IMPACT: variants seen among roughly 807,000 people sequenced by gnomAD.
IMPACT encodes the protein protein IMPACT.
A neutral mutation model predicts 47.5 loss-of-function variants in IMPACT; 35 were observed. That is an observed-to-expected ratio of 0.74 (90% CI 0.56 to 0.98). IMPACT has a LOEUF of 0.98. Among genes scored for constraint, IMPACT ranks in the 50% least tolerant of loss-of-function variants. The pLI is 0.00. For missense variants in IMPACT, 373 were observed against 394.8 expected, an observed-to-expected ratio of 0.94 and a Z score of 0.47; for synonymous variants, 118 against 125.6, an observed-to-expected ratio of 0.94 and a Z score of 0.40.
At chr18:24,440,439 T>A (rs1208995322) in intron 5 of IMPACT, 57 bp from the exon 6 acceptor site, 13 of 1,573,528 alleles carry the variant, frequency 8.3e-6, no homozygotes, top group Admixed American at 5.6e-5. Context: ...GATTTTTTTT[T>A]AAAAAGCATC....
intron 4 of IMPACT, among the ~76,000 whole-genome samples, chr18:24,435,723 T>C (rs186393840): frequency 4.3e-4 from 65 of 152,258 alleles, no homozygotes; most frequent in Middle Eastern, 3.4e-3. Context: ...CTGAAAGATA[T>C]TATGTGGGGC....
At position 24,453,154 on chromosome 18, in the gene IMPACT, G is replaced by A. The variant is rs1433539990; in HGVS notation, c.*2307G>A. The A allele has an allele frequency of 6.6e-6, 1 of 152,176 alleles. No individual in the cohort carries two copies. The highest frequency in any genetic ancestry group is 1.9e-4 in the East Asian group (1 of 5,198). The allele number at this position is 152,176 out of a possible 1,614,324, so 9.4% of individuals were successfully genotyped here. ...CAAGTGTTATCTACTTTTTAGATGG[G>A]AATTGCAGAAGCTGCATCAAAAGTA... is the stretch of plus-strand genomic sequence containing the variant. On this transcript the variant is annotated 3_prime_UTR_variant, in exon 11 of 11. Transcript: ENST00000284202.
intron 4 of IMPACT, among the ~76,000 whole-genome samples, chr18:24,436,272 T>C (rs772087607): frequency 9.2e-5 from 14 of 152,156 alleles, no homozygotes; most frequent in Non-Finnish European, 5.9e-5. Flanking sequence ...TGAGATGAAG[T>C]CTTGCTGTGT....
rs1403832658 is a variant in IMPACT, at chr18:24,451,141, A to G, written c.*294A>G. 4.5e-6 allele frequency: 1 copy of G among 219,974 alleles called. No homozygotes were observed. Among genetic ancestry groups the G allele is most frequent in the South Asian group, 1.1e-4 (1 of 8,818 alleles). 13.6% of individuals were successfully genotyped at this position (219,974 alleles called of 1,614,324 possible). A position where few individuals can be genotyped will look rare whatever the true frequency, so the allele number is the denominator to read the frequency against. On this transcript the variant is annotated 3_prime_UTR_variant, in exon 11 of 11. Coordinates refer to ENST00000284202, the MANE Select transcript of IMPACT (RefSeq NM_018439.4). ...AGGGCAGTACCTGAATTAACTGTCC[A>G]TTTCAGTACATGTCAAGTGCCTTTG...
rs1193410837 is a variant in IMPACT, at chr18:24,452,640, C to T, written c.*1793C>T. On this transcript the variant is annotated 3_prime_UTR_variant, in exon 11 of 11. Coordinates refer to ENST00000284202, the MANE Select transcript of IMPACT (RefSeq NM_018439.4). Reference sequence around the variant, plus strand: ...AAATTCTCCAGCTCTGAACTTGGAGCTACTTCACACTCTACTCTTAATGGA... The same window carrying T: ...AAATTCTCCAGCTCTGAACTTGGAGTTACTTCACACTCTACTCTTAATGGA... The T allele has an allele frequency of 2.0e-5, 3 of 152,114 alleles. No individual in the cohort carries two copies. Among genetic ancestry groups the T allele is most frequent in the Non-Finnish European group, 4.4e-5 (3 of 68,018 alleles). 9.4% of individuals were successfully genotyped at this position (152,114 alleles called of 1,614,324 possible).
chr18:24,430,789 A>G (rs192257961), intron 4 of IMPACT, among the ~76,000 whole-genome samples: 1 of 152,230 alleles, frequency 6.6e-6, no homozygotes. Flanking sequence ...TGAAAAAAAC[A>G]AAAACACTTA....
rs747510494 is a variant in IMPACT, at chr18:24,450,831, A to G, written c.947A>G (p.Lys316Arg). ...GKNKKVRKDK[K>R]RNEH ...AACAAAAAAGTAAGAAAAGACAAGAAGAGGAATGAACATTAATACCTGAAA... is the reference window on the plus strand; with the variant it reads ...AACAAAAAAGTAAGAAAAGACAAGAGGAGGAATGAACATTAATACCTGAAA... Residue 316 changes from lysine (K) to arginine (R), a missense_variant, in exon 11 of 11, where the codon AAG becomes AGG. Transcript: ENST00000284202. The G allele has an allele frequency of 1.5e-5, 24 of 1,604,228 alleles. No individual in the cohort carries two copies. Among genetic ancestry groups the G allele is most frequent in the Non-Finnish European group, 2.0e-5 (23 of 1,171,650 alleles).
In IMPACT at chr18:24,445,439, G is replaced by T; in HGVS notation, c.641G>T (p.Ser214Ile). The change falls in exon 8 of 11, where the codon AGT becomes ATT. Residue 214 changes from serine (S) to isoleucine (I), a missense_variant. Ser to Ile is a moderately radical substitution (Grantham distance 142). Transcript: ENST00000284202. ...TTGTATGAGAATAAGAAAATAGCTA[G>T]TGCCACCCACAACATCTATGCCTAC... ...SKLYENKKIA[S>I]ATHNIYAYRI... The T allele has an allele frequency of 1.2e-6, 2 of 1,606,168 alleles. No homozygotes were observed. Among genetic ancestry groups the T allele is most frequent in the Non-Finnish European group, 1.7e-6 (2 of 1,176,228 alleles).
chr18:24,437,788 C>A (rs1941814), intron 4 of IMPACT, among the ~76,000 whole-genome samples, 167 bp from the exon 5 acceptor site: 121,310 of 152,114 alleles, frequency 0.8, 48,852 homozygotes, highest in African/African-American at 0.88. Flanking sequence ...CCTGTATTAA[C>A]TACTCAGACA....
At chr18:24,435,048 A>G (rs1470048632) in intron 4 of IMPACT, among the ~76,000 whole-genome samples, 1 of 150,590 alleles carries the variant, frequency 6.6e-6, no homozygotes, top group African/African-American at 2.4e-5. Context: ...ATCATGGTTC[A>G]CTGTAGCCTT....
Position 24,438,859 on chromosome 18 carries a change from G to T in IMPACT, c.367+819G>T, listed in dbSNP as rs191814850. The stretch of plus-strand genomic sequence containing the variant: ...CTCCACTGTAAATGCTGTAGTCAGG[G>T]TTCTCCAGAGAAACAGAACCAATTG... On this transcript the variant is annotated intron_variant, in intron 5 of 10. Transcript: ENST00000284202. Among the ~76,000 whole-genome samples the T allele has an allele frequency of 2.0e-5, 3 of 152,208 alleles. No individual in the cohort carries two copies. In the East Asian group the frequency reaches 5.8e-4, roughly 29 times the overall value.
intron 2 of IMPACT, among the ~76,000 whole-genome samples, 168 bp from the exon 3 acceptor site, chr18:24,428,701 A>T (rs2144329471): frequency 6.6e-6 from 1 of 152,348 alleles, no homozygotes; most frequent in Non-Finnish European, 1.5e-5. Flanking sequence ...AAATATTATA[A>T]TGCCACTTCA....
rs144608476 is a variant in IMPACT, at chr18:24,436,311, C to T, written c.282-1644C>T. 6.8e-3 allele frequency among the ~76,000 whole-genome samples: 1,031 copies of T among 152,178 alleles called. 10 individuals are homozygous for T. Among genetic ancestry groups the T allele is most frequent in the African/African-American group, 0.024 (998 of 41,502 alleles). On this transcript the variant is annotated intron_variant, in intron 4 of 10. Transcript: ENST00000284202. ...CCAGGCTGGAGTGCAGTGGTGCAAT[C>T]ATAGCTCACTTCAGCCTCCAAACTT...
At chr18:24,436,913 C>T (rs1410379525) in intron 4 of IMPACT, among the ~76,000 whole-genome samples, 1 of 152,124 alleles carries the variant, frequency 6.6e-6, no homozygotes, top group African/African-American at 2.4e-5. Context: ...AAACTCAGAT[C>T]AAGTGATTAG....
intron 8 of IMPACT, among the ~76,000 whole-genome samples, chr18:24,446,103 A>C (rs1418325057): frequency 6.6e-6 from 1 of 152,070 alleles, no homozygotes; most frequent in East Asian, 1.9e-4. Flanking sequence ...TTGGTTTTTG[A>C]GACAGGGTCT....
chr18:24,430,513 C>T, intron 4 of IMPACT, 129 bp downstream of exon 4: 1 of 608,340 alleles, frequency 1.6e-6, no homozygotes, highest in Non-Finnish European at 2.8e-6. Context: ...ACAAAAAGGA[C>T]TCACTTGAAG....
chr18:24,435,617 A>T (rs1010638484), intron 4 of IMPACT: 1 of 152,240 alleles, frequency 6.6e-6, no homozygotes, highest in Non-Finnish European at 1.5e-5. Flanking sequence ...GGCCGCTGCA[A>T]TAGGGGAAGG....
chr18:24,428,572 T>C (rs1908671715), intron 2 of IMPACT, among the ~76,000 whole-genome samples: 1 of 152,212 alleles, frequency 6.6e-6, no homozygotes. Context: ...CCAGTGTTTG[T>C]TTTTATAATA....
At chr18:24,441,388 TC>T (rs1482107735) in intron 6 of IMPACT, among the ~76,000 whole-genome samples, 2 of 152,196 alleles carry the variant, frequency 1.3e-5, no homozygotes, top group Non-Finnish European at 2.9e-5. Flanking sequence ...AGATTGGGTT[TC>T]GCCATGTTGG....
Sources: gnomAD v4.1 joint callset for allele counts (sites outside exome capture counted in the v4.1 genomes callset) on GRCh38, gnomAD v4.1.1 for gene constraint, MANE v1.5 for transcripts, NCBI Gene and HGNC (gene_info 2026-07-23, HGNC 2026-07-21) for gene names.